Variants in PAMR1 observed in about 807,000 individuals in gnomAD.
PAMR1 encodes inactive serine protease PAMR1.
A neutral mutation model predicts 81.8 loss-of-function variants in PAMR1; 88 were observed. That is an observed-to-expected ratio of 1.08 (90% CI 0.91 to 1.28). PAMR1 has a LOEUF of 1.28. Ranked by LOEUF, PAMR1 falls within the 50% of genes most tolerant of loss-of-function variation. PAMR1 has a pLI of 0.00. For missense variants in PAMR1, 935 were observed against 919.7 expected (o/e 1.02, Z -0.21); for synonymous variants, 336 against 345.3 (o/e 0.97, Z 0.30).
intron 4 of PAMR1, among the ~76,000 whole-genome samples, chr11:35,472,637 CT>C (rs1271593416): frequency 6.6e-6 from 1 of 152,194 alleles, no homozygotes; most frequent in Non-Finnish European, 1.5e-5. Flanking sequence ...GATGTGCTAG[CT>C]GGGCAGAGGT....
At chr11:35,435,217 A>G (rs549096276) in intron 9 of PAMR1, among the ~76,000 whole-genome samples, 37 of 152,270 alleles carry the variant, frequency 2.4e-4, no homozygotes, top group South Asian at 4.1e-4. Context: ...CATGACCACA[A>G]TGAACTAAAT....
Position 35,432,198 on chromosome 11 carries a change from T to C in PAMR1, c.*158A>G, listed in dbSNP as rs576806535. 2.5e-5 allele frequency: 16 copies of C among 642,346 alleles called. No homozygotes were observed. In the Admixed American group the frequency reaches 4.6e-4, roughly 18 times the overall value. 39.8% of individuals were successfully genotyped at this position (642,346 alleles called of 1,614,324 possible). On this transcript the variant is annotated 3_prime_UTR_variant, in exon 11 of 11. Transcript: ENST00000619888. ...GGCATCAGCCTACCAGCAATGGAGGTCTACTCACCCTTCACTGAGTTTTGT... is the reference window on the plus strand; with the variant it reads ...GGCATCAGCCTACCAGCAATGGAGGCCTACTCACCCTTCACTGAGTTTTGT...
chr11:35,483,852 C>A (rs1046415465), intron 3 of PAMR1, among the ~76,000 whole-genome samples: 1 of 152,152 alleles, frequency 6.6e-6, no homozygotes, highest in Non-Finnish European at 1.5e-5. Context: ...AACATGAATT[C>A]TCTGTGGTCA....
intron 1 of PAMR1, among the ~76,000 whole-genome samples, chr11:35,522,219 C>T (rs956013930): frequency 6.6e-6 from 1 of 152,114 alleles, no homozygotes; most frequent in African/African-American, 2.4e-5. Flanking sequence ...ACTGCGCCTG[C>T]CTCAAATCGT....
At chr11:35,493,576 TCTC>T (rs1429787943) in intron 2 of PAMR1, among the ~76,000 whole-genome samples, 3 of 152,220 alleles carry the variant, frequency 2.0e-5, no homozygotes, top group South Asian at 2.1e-4. Context: ...TGGCTTGACT[TCTC>T]CTCCCCATCC....
At position 35,463,682 on chromosome 11, in the gene PAMR1, C is replaced by T. The variant is rs534668622; in HGVS notation, c.820+4319G>A. ...TTGGCCTCAAGGCGGAGGAGGGGGC[C>T]GTTCCCCTTGTTGTGCTTCCAAGGA... On this transcript the variant is annotated intron_variant, in intron 6 of 10. Coordinates refer to ENST00000619888, the MANE Select transcript of PAMR1 (RefSeq NM_001001991.3). Among the ~76,000 whole-genome samples, 8 of 152,220 alleles carry T rather than the reference C, an allele frequency of 5.3e-5. No individual in the cohort carries two copies. In the South Asian group the frequency reaches 6.2e-4, roughly 12 times the overall value.
chr11:35,463,653 T>C (rs1196500624), intron 6 of PAMR1, among the ~76,000 whole-genome samples: 1 of 152,166 alleles, frequency 6.6e-6, no homozygotes, highest in Admixed American at 6.5e-5. Context: ...GGCAGGAGGC[T>C]AGCTTGGCCT....
At chr11:35,457,316 T>A (rs1856555656) in intron 6 of PAMR1, among the ~76,000 whole-genome samples, 1 of 151,996 alleles carries the variant, frequency 6.6e-6, no homozygotes. Context: ...TGAGGGGGAA[T>A]CCATCTCTGC....
intron 3 of PAMR1, among the ~76,000 whole-genome samples, chr11:35,490,812 G>A (rs1850610263): frequency 6.6e-6 from 1 of 152,156 alleles, no homozygotes; most frequent in Admixed American, 6.6e-5. Flanking sequence ...TTATGAAGTT[G>A]GTAGCATTAT....
chr11:35,467,837 C>A (rs1378012052), intron 6 of PAMR1, among the ~76,000 whole-genome samples, 164 bp downstream of exon 6: 3 of 152,202 alleles, frequency 2.0e-5, no homozygotes, highest in African/African-American at 4.8e-5. Context: ...GACTCAGAAG[C>A]AGCTATGCCC....
intron 3 of PAMR1, among the ~76,000 whole-genome samples, chr11:35,478,774 G>T (rs924201770): frequency 7.9e-5 from 12 of 152,214 alleles, no homozygotes; most frequent in Non-Finnish European, 1.5e-4. Context: ...GAGCCTGGAA[G>T]ATGTGCTCAG....
chr11:35,487,508 A>T (rs1850533174), intron 3 of PAMR1, among the ~76,000 whole-genome samples: 1 of 152,238 alleles, frequency 6.6e-6, no homozygotes, highest in African/African-American at 2.4e-5. Flanking sequence ...AGAGAGCATC[A>T]GCCAACGTCC....
chr11:35,436,636 T>G (rs1363712429), intron 8 of PAMR1, among the ~76,000 whole-genome samples: 1 of 148,488 alleles, frequency 6.7e-6, no homozygotes, highest in Admixed American at 6.8e-5. Context: ...TCTGTCTCTC[T>G]GTTTCTCTCT....
intron 1 of PAMR1, among the ~76,000 whole-genome samples, chr11:35,495,181 C>G (rs116302349): frequency 6.6e-6 from 1 of 152,124 alleles, no homozygotes; most frequent in Non-Finnish European, 1.5e-5. Flanking sequence ...AGTTTTTCAG[C>G]GTGCCATTTT....
chr11:35,529,357 G>A (rs1000294960), upstream of PAMR1, among the ~76,000 whole-genome samples: 1 of 152,332 alleles, frequency 6.6e-6, no homozygotes, highest in African/African-American at 2.4e-5. Context: ...CAGATTTGGG[G>A]AAAGTGATTT....
chr11:35,466,659 G>A (rs1320623929), intron 6 of PAMR1, among the ~76,000 whole-genome samples: 42 of 148,848 alleles, frequency 2.8e-4, no homozygotes, highest in African/African-American at 9.8e-4. Context: ...CCCAGGAGGC[G>A]GAGCTTGCAG....
intron 6 of PAMR1, among the ~76,000 whole-genome samples, chr11:35,447,069 C>G (rs1391637695): frequency 6.6e-6 from 1 of 152,028 alleles, no homozygotes; most frequent in East Asian, 1.9e-4. Flanking sequence ...TTAATTGAAC[C>G]CTTTATGATT....
chr11:35,433,654 T>G (rs1403177609), intron 10 of PAMR1, among the ~76,000 whole-genome samples: 1 of 152,266 alleles, frequency 6.6e-6, no homozygotes, highest in Non-Finnish European at 1.5e-5. Context: ...TATTCTTTTC[T>G]GTGTCTACTT....
chr11:35,460,137 C>A (rs1348326339), intron 6 of PAMR1, among the ~76,000 whole-genome samples: 1 of 152,206 alleles, frequency 6.6e-6, no homozygotes, highest in African/African-American at 2.4e-5. Context: ...TAATGCCCTG[C>A]AAGGGGAGGG....
Sources: allele counts gnomAD v4.1 joint callset (sites outside exome capture counted in the v4.1 genomes callset), GRCh38; gene constraint gnomAD v4.1.1; transcripts MANE v1.5; gene names NCBI Gene and HGNC (gene_info 2026-07-23, HGNC 2026-07-21).